The following FAM184A variants were observed in gnomAD, a reference collection of about 807,000 sequenced individuals.
FAM184A encodes the protein family with sequence similarity 184 member A.
In FAM184A, 99 loss-of-function variants were observed where a neutral mutation model predicts 143.8. The ratio of observed to expected loss-of-function variants is 0.69; its 90% CI spans 0.58 to 0.81. The LOEUF (loss-of-function observed/expected upper bound fraction) is 0.81, where lower values mean the gene tolerates loss of function less well. Among genes scored for constraint, FAM184A ranks in the 40% least tolerant of loss-of-function variants. The pLI, the probability that FAM184A is intolerant of heterozygous loss-of-function variation, is 0.00. For missense variants in FAM184A, 1,217 were observed against 1,310.5 expected, an observed-to-expected ratio of 0.93 and a Z score of 1.10; for synonymous variants, 427 against 446.4, an observed-to-expected ratio of 0.96 and a Z score of 0.55.
intron 1 of FAM184A, among the ~76,000 whole-genome samples, chr6:119,145,395 A>T (rs991246127): frequency 6.6e-6 from 1 of 152,164 alleles, no homozygotes; most frequent in African/African-American, 2.4e-5. Flanking sequence ...CCCTTCTGTC[A>T]TTAAACCCTT....
chr6:118,983,888 C>A (rs1181159358), intron 9 of FAM184A, among the ~76,000 whole-genome samples: 1 of 151,622 alleles, frequency 6.6e-6, no homozygotes, highest in Non-Finnish European at 1.5e-5. Context: ...GTTGCTCATG[C>A]CTGTAATCCC....
In FAM184A at chr6:119,105,059, G is replaced by A. The variant is rs190610005; in HGVS notation, c.-202+44019C>T. Among the ~76,000 whole-genome samples the A allele has an allele frequency of 3.9e-5, 6 of 152,278 alleles. No homozygotes were observed. In the East Asian group the frequency reaches 9.7e-4, roughly 25 times the overall value. On this transcript the variant is annotated intron_variant, in intron 1 of 16. Transcript: ENST00000352896. Reference sequence around the variant, plus strand: ...CATCAAAGCCAAGGAGAGCCTAAGAGATACGATGACTAAATGTAATATGGT... The same window carrying A: ...CATCAAAGCCAAGGAGAGCCTAAGAAATACGATGACTAAATGTAATATGGT...
At chr6:119,119,023 G>A (rs1489321890) in intron 1 of FAM184A, among the ~76,000 whole-genome samples, 1 of 152,152 alleles carries the variant, frequency 6.6e-6, no homozygotes, top group Non-Finnish European at 1.5e-5. Flanking sequence ...CCTTGGGTGC[G>A]GCTGTCTTCT....
At chr6:118,976,472 G>A (rs972395689) in intron 11 of FAM184A, among the ~76,000 whole-genome samples, 1 of 152,020 alleles carries the variant, frequency 6.6e-6, no homozygotes, top group African/African-American at 2.4e-5. Flanking sequence ...AGACCAGCCT[G>A]ATCAACATGG....
At chr6:119,116,015 ACAC>A in intron 1 of FAM184A, among the ~76,000 whole-genome samples, 2 of 151,824 alleles carry the variant, frequency 1.3e-5, no homozygotes, top group East Asian at 3.9e-4. Flanking sequence ...ACATACACAC[ACAC>A]AACGAGAGAG....
intron 5 of FAM184A, among the ~76,000 whole-genome samples, chr6:119,014,052 G>A (rs930567954): frequency 5.9e-5 from 9 of 152,226 alleles, no homozygotes; most frequent in Non-Finnish European, 1.3e-4. Context: ...TGACAGATCT[G>A]GAACCTGAGT....
intron 1 of FAM184A, among the ~76,000 whole-genome samples, chr6:119,134,631 G>C (rs1214093752): frequency 6.9e-6 from 1 of 143,918 alleles, no homozygotes; most frequent in Non-Finnish European, 1.5e-5. Context: ...TTTAGCCTAG[G>C]TGACAGAATG....
At chr6:119,085,635 A>G (rs1231727890) in intron 1 of FAM184A, among the ~76,000 whole-genome samples, 1 of 152,178 alleles carries the variant, frequency 6.6e-6, no homozygotes, top group East Asian at 1.9e-4. Context: ...TTTCAGGTAT[A>G]TTTACAGCAA....
intron 5 of FAM184A, among the ~76,000 whole-genome samples, chr6:119,011,634 T>C (rs549600615): frequency 2.0e-5 from 3 of 152,358 alleles, no homozygotes; most frequent in Non-Finnish European, 4.4e-5. Context: ...AATGTAGTTA[T>C]ACTTTTTTTA....
At chr6:119,135,231 G>A (rs78149700) in intron 1 of FAM184A, among the ~76,000 whole-genome samples, 2,466 of 152,150 alleles carry the variant, frequency 0.016, 67 homozygotes, top group African/African-American at 0.053. Flanking sequence ...GCAAAGGAAT[G>A]TGCACAATAT....
intron 11 of FAM184A, among the ~76,000 whole-genome samples, chr6:118,977,145 C>G (rs576464567): frequency 6.6e-6 from 1 of 152,174 alleles, no homozygotes; most frequent in Non-Finnish European, 1.5e-5. Context: ...CTCAGGTGAT[C>G]TTTAACGGGC....
intron 1 of FAM184A, among the ~76,000 whole-genome samples, chr6:119,054,445 C>T (rs1786884075): frequency 6.6e-6 from 1 of 152,192 alleles, no homozygotes; most frequent in Non-Finnish European, 1.5e-5. Context: ...TGTGTTCTCA[C>T]ATGGCAGAAG....
chr6:118,976,057 G>A lies in FAM184A; in HGVS notation c.2456-13C>T, dbSNP rs752977495. ...GAGCGCAAGGAAGCTGGAATTGCAAGGCAAAAATACATTTGGCACATTTAA... is the reference window on the plus strand; with the variant it reads ...GAGCGCAAGGAAGCTGGAATTGCAAAGCAAAAATACATTTGGCACATTTAA... On this transcript the variant is annotated splice_polypyrimidine_tract_variant and intron_variant, in intron 11 of 17. Transcript: ENST00000338891. 6.2e-7 allele frequency: 1 copy of A among 1,603,362 alleles called. No individual in the cohort carries two copies. The highest frequency in any genetic ancestry group is 1.3e-5 in the African/African-American group (1 of 74,310).
intron 1 of FAM184A, among the ~76,000 whole-genome samples, chr6:119,143,874 G>A (rs965192233): frequency 6.6e-6 from 1 of 152,158 alleles, no homozygotes; most frequent in African/African-American, 2.4e-5. Context: ...TAACAATACT[G>A]AACTGTATAC....
chr6:119,031,733 G>C (rs1785878969), intron 1 of FAM184A, among the ~76,000 whole-genome samples: 1 of 152,090 alleles, frequency 6.6e-6, no homozygotes, highest in Non-Finnish European at 1.5e-5. Context: ...CATTTTAACT[G>C]GACCTTAATT....
At chr6:119,075,964 C>T (rs1012872968) in intron 1 of FAM184A, among the ~76,000 whole-genome samples, 5 of 152,124 alleles carry the variant, frequency 3.3e-5, no homozygotes, top group African/African-American at 1.2e-4. Flanking sequence ...ATTCTCAGGC[C>T]TCATCTTAGT....
At chr6:119,003,926 C>A (rs1026670084) in intron 7 of FAM184A, among the ~76,000 whole-genome samples, 1 of 152,276 alleles carries the variant, frequency 6.6e-6, no homozygotes, top group South Asian at 2.1e-4. Context: ...AGGTATCTAA[C>A]GGTAGACTGA....
chr6:118,983,315 T>G (rs1230700660), intron 9 of FAM184A, among the ~76,000 whole-genome samples: 2 of 152,176 alleles, frequency 1.3e-5, no homozygotes. Flanking sequence ...ATAGCTATAA[T>G]TTAAACAGCT....
At position 119,006,499 on chromosome 6, in the gene FAM184A, T is replaced by C. The variant is rs773229928; in HGVS notation, c.1763A>G (p.Asp588Gly). 1.9e-6 allele frequency: 3 copies of C among 1,614,092 alleles called. No homozygotes were observed. Among genetic ancestry groups the C allele is most frequent in the Non-Finnish European group, 8.5e-7 (1 of 1,179,958 alleles). The change falls in exon 7 of 18, where the codon GAC becomes GGC. Residue 588 changes from aspartate (D) to glycine (G), a missense_variant. By Grantham distance (94) the Asp-to-Gly change is moderately conservative. Transcript: ENST00000338891. The stretch of plus-strand genomic sequence containing the variant: ...CTCCTTTAGGCTGTCTTTAGTCAAG[T>C]CAAGCTCATTCTGAAGCCTTTCCTG... ...DSQERLQNELDLTKDSLKETK... is the reference protein window; with the variant it reads ...DSQERLQNELGLTKDSLKETK...
Sources: allele counts gnomAD v4.1 joint callset (sites outside exome capture counted in the v4.1 genomes callset), GRCh38; gene constraint gnomAD v4.1.1; transcripts MANE v1.5; gene names NCBI Gene and HGNC (gene_info 2026-07-23, HGNC 2026-07-21).